Variants in DRD2 observed in about 807,000 individuals in gnomAD.
DRD2 encodes dopamine receptor D2.
In DRD2, 8 loss-of-function variants were observed where a neutral mutation model predicts 38.0. That is an observed-to-expected ratio of 0.21 (90% CI 0.12 to 0.38). DRD2 has a LOEUF of 0.38. Ranked by LOEUF, DRD2 falls within the 10% of genes least tolerant of loss-of-function variation. The pLI is 1.00. For missense variants in DRD2, 403 were observed against 607.7 expected, an observed-to-expected ratio of 0.66 and a Z score of 3.54; for synonymous variants, 230 against 238.6, an observed-to-expected ratio of 0.96 and a Z score of 0.33.
At chr11:113,462,277 C>T (rs1951328867) in intron 1 of DRD2, among the ~76,000 whole-genome samples, 1 of 152,108 alleles carries the variant, frequency 6.6e-6, no homozygotes, top group Admixed American at 6.6e-5. Context: ...AAGAGTGTTC[C>T]CCTCCGACCC....
At chr11:113,415,390 C>A (rs757536778) in intron 5 of DRD2, 31 bp downstream of exon 5, 6 of 1,595,278 alleles carry the variant, frequency 3.8e-6, no homozygotes, top group East Asian at 4.5e-5. Context: ...AGGTGGGGAC[C>A]CTTGGAGTTG....
chr11:113,440,019 C>A (rs1258734699), intron 1 of DRD2, among the ~76,000 whole-genome samples: 6 of 152,076 alleles, frequency 3.9e-5, no homozygotes, highest in Non-Finnish European at 8.8e-5. Flanking sequence ...AGGGCTCAAT[C>A]CTTGTCACTA....
At chr11:113,445,072 G>T (rs1259279371) in intron 1 of DRD2, among the ~76,000 whole-genome samples, 1 of 152,174 alleles carries the variant, frequency 6.6e-6, no homozygotes, top group Non-Finnish European at 1.5e-5. Context: ...CATCACAAGT[G>T]TGAAAATAGC....
intron 6 of DRD2, chr11:113,413,329 G>C (rs1950788593): frequency 1.9e-6 from 1 of 531,196 alleles, no homozygotes; most frequent in African/African-American, 1.9e-5. Flanking sequence ...CCCACTTCAT[G>C]GGTACCTGCA....
At chr11:113,465,402 G>A (rs762401666) in intron 1 of DRD2, among the ~76,000 whole-genome samples, 1 of 121,332 alleles carries the variant, frequency 8.2e-6, no homozygotes, top group Non-Finnish European at 1.8e-5. Context: ...GCCAGTTTTT[G>A]TTGTTGTTGT....
At chr11:113,428,482 G>A (rs1565666103) in intron 1 of DRD2, among the ~76,000 whole-genome samples, 2 of 152,206 alleles carry the variant, frequency 1.3e-5, no homozygotes, top group Non-Finnish European at 2.9e-5. Flanking sequence ...CCAGTAGATG[G>A]GGATGAGGGC....
intron 1 of DRD2, among the ~76,000 whole-genome samples, chr11:113,441,965 C>T (rs1951097843): frequency 6.7e-6 from 1 of 150,296 alleles, no homozygotes; most frequent in African/African-American, 2.4e-5. Flanking sequence ...AAAAAAAAAG[C>T]TACACCTCCA....
At position 113,427,207 on chromosome 11, in the gene DRD2, T is replaced by A. The variant is rs1950948586; in HGVS notation, c.-31-2525A>T. On this transcript the variant is annotated intron_variant, in intron 1 of 7. Coordinates refer to ENST00000362072, the MANE Select transcript of DRD2 (RefSeq NM_000795.4). The stretch of plus-strand genomic sequence containing the variant: ...GCCATACTACCTGGAACATGCTTGA[T>A]CTTGTCTAATTATTATCCCTACTTT... Among the ~76,000 whole-genome samples, 3 of 152,230 alleles carry A rather than the reference T, an allele frequency of 2.0e-5. No homozygotes were observed. The South Asian group carries it at 6.2e-4, about 32-fold the overall frequency.
At chr11:113,433,452 G>A (rs796494590) in intron 1 of DRD2, among the ~76,000 whole-genome samples, 1 of 152,162 alleles carries the variant, frequency 6.6e-6, no homozygotes, top group South Asian at 2.1e-4. Flanking sequence ...GGAAGCCCAG[G>A]GAGTGGCCTG....
intron 1 of DRD2, among the ~76,000 whole-genome samples, chr11:113,468,739 G>T (rs918163756): frequency 3.9e-5 from 6 of 152,114 alleles, no homozygotes; most frequent in African/African-American, 1.4e-4. Flanking sequence ...GTAGAGATGG[G>T]GTTTCACTGT....
At chr11:113,434,762 A>C (rs1951020032) in intron 1 of DRD2, among the ~76,000 whole-genome samples, 2 of 151,768 alleles carry the variant, frequency 1.3e-5, no homozygotes, top group Non-Finnish European at 2.9e-5. Context: ...AAGTCACAGC[A>C]GGCCAAGGGA....
intron 1 of DRD2, among the ~76,000 whole-genome samples, chr11:113,468,324 A>C (rs1034491354): frequency 6.6e-6 from 1 of 152,226 alleles, no homozygotes; most frequent in South Asian, 2.1e-4. Context: ...GGGTTTAAAT[A>C]GGTGACTAAA....
At chr11:113,463,480 G>T (rs973604407) in intron 1 of DRD2, among the ~76,000 whole-genome samples, 8 of 149,560 alleles carry the variant, frequency 5.3e-5, no homozygotes, top group African/African-American at 1.7e-4. Flanking sequence ...TCTCATTCAT[G>T]TGTAGAGTTA....
chr11:113,433,736 G>A (rs1951010819), intron 1 of DRD2, among the ~76,000 whole-genome samples: 1 of 152,152 alleles, frequency 6.6e-6, no homozygotes, highest in Non-Finnish European at 1.5e-5. Flanking sequence ...TATGCAGCTG[G>A]AGCCAGAGAG....
chr11:113,470,505 G>C (rs908057891), intron 1 of DRD2, among the ~76,000 whole-genome samples: 3 of 152,188 alleles, frequency 2.0e-5, no homozygotes, highest in African/African-American at 7.2e-5. Flanking sequence ...ACATTACCCA[G>C]AGGGCTGCAG....
intron 1 of DRD2, among the ~76,000 whole-genome samples, chr11:113,436,846 G>A (rs1951043922): frequency 6.6e-6 from 1 of 152,170 alleles, no homozygotes; most frequent in African/African-American, 2.4e-5. Context: ...GTATCTTTCT[G>A]ATCAAGTTCT....
intron 1 of DRD2, among the ~76,000 whole-genome samples, chr11:113,445,143 G>A (rs2119874239): frequency 6.6e-6 from 1 of 152,312 alleles, no homozygotes; most frequent in South Asian, 2.1e-4. Context: ...TGAAAGACAA[G>A]GAAAGACTGA....
intron 1 of DRD2, among the ~76,000 whole-genome samples, chr11:113,441,589 T>C (rs1413011056): frequency 3.3e-5 from 5 of 152,212 alleles, no homozygotes; most frequent in Non-Finnish European, 5.9e-5. Flanking sequence ...AACAACAAGC[T>C]GGGGTCGTCC....
intron 6 of DRD2, among the ~76,000 whole-genome samples, chr11:113,413,090 G>C (rs930341333): frequency 6.6e-6 from 1 of 152,130 alleles, no homozygotes; most frequent in Non-Finnish European, 1.5e-5. Flanking sequence ...TTTTCCCATG[G>C]CAATCCTCAT....
Sources: allele counts gnomAD v4.1 joint callset (sites outside exome capture counted in the v4.1 genomes callset), GRCh38; gene constraint gnomAD v4.1.1; transcripts MANE v1.5; gene names NCBI Gene and HGNC (gene_info 2026-07-23, HGNC 2026-07-21).